USH2A: variants seen among roughly 807,000 people sequenced by gnomAD.
USH2A encodes the protein Usher syndrome 2A (autosomal recessive, mild).
USH2A carries 443 observed loss-of-function variants against 538.9 expected under a neutral mutation model. The observed-to-expected ratio is 0.82, with a 90% CI of 0.76 to 0.89. USH2A has a LOEUF of 0.89. Among genes scored for constraint, USH2A ranks in the 40% least tolerant of loss-of-function variants. USH2A has a pLI of 0.00. For synonymous variants in USH2A, 2,413 were observed against 2,273.5 expected (o/e 1.06, Z -1.75); for missense variants, 6,633 against 6,324.8 (o/e 1.05, Z -1.65).
At chr1:215,871,233 C>T (rs1664618289) in intron 43 of USH2A, among the ~76,000 whole-genome samples, 1 of 152,054 alleles carries the variant, frequency 6.6e-6, no homozygotes, top group Non-Finnish European at 1.5e-5. Context: ...TGGTAATTTT[C>T]CTCATAAAAA....
At chr1:216,144,492 C>T (rs2033657737) in intron 21 of USH2A, among the ~76,000 whole-genome samples, 1 of 151,740 alleles carries the variant, frequency 6.6e-6, no homozygotes, top group African/African-American at 2.4e-5. Flanking sequence ...AAAATAAACC[C>T]CAGGAAAATA....
chr1:215,910,303 CTTTA>C (rs1665748419), intron 38 of USH2A, among the ~76,000 whole-genome samples: 1 of 151,688 alleles, frequency 6.6e-6, no homozygotes, highest in South Asian at 2.1e-4. Context: ...ATTGTAATGT[CTTTA>C]TTTAGAGTTT....
intron 9 of USH2A, among the ~76,000 whole-genome samples, chr1:216,309,806 G>A (rs1388242156): frequency 6.6e-6 from 1 of 152,058 alleles, no homozygotes; most frequent in Non-Finnish European, 1.5e-5. Context: ...ATATAATCTT[G>A]TAATTTTTCC....
intron 49 of USH2A, among the ~76,000 whole-genome samples, chr1:215,810,927 A>T (rs1304912883): frequency 6.6e-6 from 1 of 151,954 alleles, no homozygotes; most frequent in Non-Finnish European, 1.5e-5. Flanking sequence ...ACTGCTATAC[A>T]AACTTTTTTT....
chr1:216,203,236 T>C (rs536335301), intron 16 of USH2A, among the ~76,000 whole-genome samples: 5 of 151,816 alleles, frequency 3.3e-5, no homozygotes, highest in African/African-American at 1.2e-4. Flanking sequence ...TATGTATATA[T>C]ATACACATAT....
At chr1:216,396,719 CA>C (rs892302014) in intron 3 of USH2A, among the ~76,000 whole-genome samples, 6 of 151,634 alleles carry the variant, frequency 4.0e-5, no homozygotes, top group African/African-American at 1.2e-4. Flanking sequence ...TCAATTCACA[CA>C]AAAAAAATCA....
intron 58 of USH2A, among the ~76,000 whole-genome samples, chr1:215,747,870 T>TTCTG: frequency 7.2e-6 from 1 of 139,514 alleles, no homozygotes; most frequent in East Asian, 2.1e-4. Context: ...TTTTGTTTTT[T>TTCTG]TTTGTTTGTT....
intron 21 of USH2A, among the ~76,000 whole-genome samples, chr1:216,122,483 G>A (rs1179461945): frequency 6.6e-6 from 1 of 152,122 alleles, no homozygotes; most frequent in East Asian, 1.9e-4. Flanking sequence ...TGAGTGCAGG[G>A]GATCAACTTT....
chr1:216,320,177 T>C (rs1230207916), intron 9 of USH2A, among the ~76,000 whole-genome samples: 14 of 152,242 alleles, frequency 9.2e-5, no homozygotes, highest in Non-Finnish European at 1.5e-4. Context: ...GGATCCTTCA[T>C]GAAGTGCCTT....
At chr1:216,306,563 T>C (rs1024201039) in intron 9 of USH2A, among the ~76,000 whole-genome samples, 11 of 152,314 alleles carry the variant, frequency 7.2e-5, no homozygotes, top group Middle Eastern at 3.4e-3. Flanking sequence ...TTGTGATCTT[T>C]TGGGGATAAT....
At chr1:216,083,738 G>T (rs2032024328) in intron 25 of USH2A, 152 bp from the exon 26 acceptor site, 1 of 743,276 alleles carries the variant, frequency 1.3e-6, no homozygotes, top group African/African-American at 1.8e-5. Flanking sequence ...TTTTGTAATT[G>T]CACAGAAGTG....
chr1:215,830,874 C>T (rs1431262549), intron 47 of USH2A, among the ~76,000 whole-genome samples: 1 of 152,060 alleles, frequency 6.6e-6, no homozygotes, highest in Non-Finnish European at 1.5e-5. Context: ...TAGTCACTGG[C>T]AAAGGAAAAC....
At chr1:216,004,413 T>G (rs1571880988) in intron 32 of USH2A, among the ~76,000 whole-genome samples, 1 of 152,204 alleles carries the variant, frequency 6.6e-6, no homozygotes, top group East Asian at 1.9e-4. Flanking sequence ...TATGGTGTCT[T>G]GAAAGTCAAA....
intron 38 of USH2A, among the ~76,000 whole-genome samples, chr1:215,904,093 T>C (rs1221873690): frequency 1.3e-5 from 2 of 152,116 alleles, no homozygotes; most frequent in East Asian, 3.9e-4. Context: ...ATACAATGTA[T>C]AACATATAAA....
At chr1:216,034,481 T>C (rs1385221319) in intron 32 of USH2A, among the ~76,000 whole-genome samples, 2 of 152,324 alleles carry the variant, frequency 1.3e-5, no homozygotes, top group African/African-American at 4.8e-5. Context: ...CATGTGAATG[T>C]CACCTCATTT....
intron 69 of USH2A, among the ~76,000 whole-genome samples, chr1:215,636,972 G>A (rs893413869): frequency 5.9e-5 from 9 of 151,904 alleles, no homozygotes; most frequent in Admixed American, 4.6e-4. Flanking sequence ...TGAAGACCTC[G>A]AGATCAGGAT....
At chr1:216,042,494 C>T (rs2030322775) in intron 32 of USH2A, among the ~76,000 whole-genome samples, 2 of 152,058 alleles carry the variant, frequency 1.3e-5, no homozygotes, top group South Asian at 4.1e-4. Context: ...AATCACCAGA[C>T]ATCATGAATA....
chr1:216,339,616 G>A (rs566460977), intron 4 of USH2A, among the ~76,000 whole-genome samples: 1 of 151,814 alleles, frequency 6.6e-6, no homozygotes, highest in African/African-American at 2.4e-5. Context: ...AAATGCAAAA[G>A]AACTGAAATT....
At chr1:216,397,800 T>C (rs1464823552) in intron 3 of USH2A, among the ~76,000 whole-genome samples, 1 of 152,236 alleles carries the variant, frequency 6.6e-6, no homozygotes, top group African/African-American at 2.4e-5. Flanking sequence ...ATCACCTTCC[T>C]TGGGAGACAT....
Sources: gnomAD v4.1 joint callset for allele counts (sites outside exome capture counted in the v4.1 genomes callset) on GRCh38, gnomAD v4.1.1 for gene constraint, MANE v1.5 for transcripts, NCBI Gene and HGNC (gene_info 2026-07-23, HGNC 2026-07-21) for gene names.